The following ERC2 variants were observed in gnomAD, a reference collection of about 807,000 sequenced individuals.
ERC2 encodes ELKS/RAB6-interacting/CAST family member 2, also known as ERC protein 2.
Under a neutral mutation model 114.8 loss-of-function variants are expected in ERC2, and 42 were observed. That is an observed-to-expected ratio of 0.37 (90% CI 0.29 to 0.47). The LOEUF is 0.47. Ranked by LOEUF, ERC2 falls within the 20% of genes least tolerant of loss-of-function variation. The pLI is 0.99. For missense variants in ERC2, 939 were observed against 1,150.7 expected (o/e 0.82, Z 2.66); for synonymous variants, 454 against 425.5 (o/e 1.07, Z -0.82).
intron 6 of ERC2, among the ~76,000 whole-genome samples, chr3:56,129,459 A>C (rs1334387168): frequency 6.6e-6 from 1 of 152,222 alleles, no homozygotes; most frequent in Non-Finnish European, 1.5e-5. Context: ...GTTTTCCATA[A>C]AATTCATTTT....
chr3:55,583,422 C>CCTTCCTTT (rs2057383860), intron 17 of ERC2, among the ~76,000 whole-genome samples: 1 of 129,344 alleles, frequency 7.7e-6, no homozygotes, highest in South Asian at 3.0e-4. Context: ...TTCCTTCCTT[C>CCTTCCTTT]CTTCCTTCCT....
intron 1 of ERC2, among the ~76,000 whole-genome samples, chr3:56,443,656 G>A (rs958620176): frequency 2.0e-5 from 3 of 151,190 alleles, no homozygotes; most frequent in African/African-American, 7.3e-5. Context: ...TTTGACACTT[G>A]GGCTTTTTTT....
intron 12 of ERC2, among the ~76,000 whole-genome samples, chr3:55,983,344 A>G (rs572115075): frequency 1.8e-3 from 272 of 152,350 alleles, no homozygotes; most frequent in African/African-American, 6.3e-3. Context: ...AATCTCACAA[A>G]TAGTTACTAG....
intron 7 of ERC2, among the ~76,000 whole-genome samples, chr3:56,066,721 A>G (rs568769779): frequency 9.2e-5 from 14 of 152,212 alleles, no homozygotes; most frequent in African/African-American, 3.4e-4. Flanking sequence ...ACCTTAAGTT[A>G]ATTTTTGTTA....
At chr3:56,130,570 TAAC>T (rs1240556594) in intron 6 of ERC2, among the ~76,000 whole-genome samples, 1 of 152,144 alleles carries the variant, frequency 6.6e-6, no homozygotes, top group Non-Finnish European at 1.5e-5. Context: ...TGAACAACAA[TAAC>T]AACAACAAAA....
chr3:56,335,817 C>G (rs531049810), intron 2 of ERC2, among the ~76,000 whole-genome samples: 3 of 152,244 alleles, frequency 2.0e-5, no homozygotes, highest in Admixed American at 2.0e-4. Context: ...TCCTTCCATT[C>G]ACTCATCGGC....
intron 17 of ERC2, among the ~76,000 whole-genome samples, chr3:55,639,791 C>T (rs2060100430): frequency 6.6e-6 from 1 of 152,152 alleles, no homozygotes; most frequent in African/African-American, 2.4e-5. Context: ...TGGGCACACG[C>T]ACATGTGCAT....
intron 7 of ERC2, among the ~76,000 whole-genome samples, chr3:56,070,690 T>A: frequency 6.6e-6 from 1 of 152,206 alleles, no homozygotes; most frequent in Non-Finnish European, 1.5e-5. Context: ...AGAACATTTA[T>A]AATATAGAAG....
intron 17 of ERC2, among the ~76,000 whole-genome samples, chr3:55,628,744 C>T (rs1299375349): frequency 1.3e-5 from 2 of 152,138 alleles, no homozygotes; most frequent in Non-Finnish European, 2.9e-5. Context: ...AAGCCAGGAA[C>T]CTGGCTATTA....
intron 17 of ERC2, among the ~76,000 whole-genome samples, chr3:55,518,738 G>GTA (rs1279777234): frequency 1.3e-5 from 2 of 152,228 alleles, no homozygotes; most frequent in Non-Finnish European, 2.9e-5. Context: ...ATACAATGAT[G>GTA]TATGCAGTGT....
At chr3:56,281,274 A>G (rs2054323947) in intron 3 of ERC2, among the ~76,000 whole-genome samples, 1 of 150,616 alleles carries the variant, frequency 6.6e-6, no homozygotes, top group Non-Finnish European at 1.5e-5. Flanking sequence ...CGTCTCTACT[A>G]AAAATACAAA....
At chr3:56,338,449 G>A (rs547506287) in intron 2 of ERC2, among the ~76,000 whole-genome samples, 26 of 152,268 alleles carry the variant, frequency 1.7e-4, no homozygotes, top group African/African-American at 6.0e-4. Flanking sequence ...CCTGGTGGGG[G>A]ATGAGAGACA....
intron 1 of ERC2, among the ~76,000 whole-genome samples, chr3:56,460,137 C>T (rs1296569481): frequency 6.6e-6 from 1 of 152,196 alleles, no homozygotes; most frequent in Non-Finnish European, 1.5e-5. Context: ...CTTGGACTTC[C>T]CCAGCTGAAA....
At chr3:56,010,041 T>G (rs187400125) in intron 9 of ERC2, among the ~76,000 whole-genome samples, 59 of 152,208 alleles carry the variant, frequency 3.9e-4, no homozygotes, top group African/African-American at 1.3e-3. Context: ...TACAGATGAA[T>G]GCAAAGCACT....
At chr3:55,930,848 C>T (rs930055803) in intron 13 of ERC2, among the ~76,000 whole-genome samples, 5 of 152,104 alleles carry the variant, frequency 3.3e-5, no homozygotes, top group African/African-American at 1.2e-4. Flanking sequence ...TTTTTGCAAT[C>T]TATCCATCTG....
chr3:55,777,535 C>T (rs2068718972), intron 14 of ERC2, among the ~76,000 whole-genome samples: 1 of 152,182 alleles, frequency 6.6e-6, no homozygotes, highest in East Asian at 1.9e-4. Context: ...TATTGTCAGC[C>T]TCCAGCTCCA....
In ERC2 at chr3:56,434,664, A is replaced by T. The variant is rs766865005; in HGVS notation, c.344T>A (p.Leu115His). 5.8e-5 allele frequency: 93 copies of T among 1,613,864 alleles called. No individual in the cohort carries two copies. Among genetic ancestry groups the T allele is most frequent in the Non-Finnish European group, 7.9e-5 (93 of 1,179,902 alleles). Residue 115 changes from leucine to histidine, a missense_variant, in exon 2 of 18, where the codon CTT becomes CAT. Physicochemically the swap from Leu to His is moderately conservative, Grantham distance 99. This residue lies in a region of ERC2 where 281 missense variants were observed against 307.4 expected (regional missense o/e 0.91). Transcript: ENST00000288221. Reference protein sequence around the residue: ...ASAGLSHTDVLSYTDQHGGLT... With the variant: ...ASAGLSHTDVHSYTDQHGGLT... ...CCCACCATGTTGATCTGTGTATGAA[A>T]GGACATCTGTGTGGGAAAGTCCAGC...
At chr3:55,823,930 A>G (rs4974113) in intron 14 of ERC2, among the ~76,000 whole-genome samples, 48,283 of 152,094 alleles carry the variant, frequency 0.32, 9,088 homozygotes, top group African/African-American at 0.52. Flanking sequence ...GAGGCTAGAC[A>G]TCCAAGATCA....
rs190059905 is a variant in ERC2 at position 55,793,727 on chromosome 3, C to T, written c.2565-58809G>A. ...TAACACTTCACTTCCTATGAAAAAT[C>T]GTATTATTTAGGGCCCCCGTCTACA... On this transcript the variant is annotated intron_variant, in intron 14 of 17. Transcript: ENST00000288221. 9.2e-5 allele frequency among the ~76,000 whole-genome samples: 14 copies of T among 152,084 alleles called. 1 individual carries two copies. Among genetic ancestry groups the T allele is most frequent in the East Asian group, 3.9e-4 (2 of 5,184 alleles).
Sources: gnomAD v4.1 joint callset for allele counts (sites outside exome capture counted in the v4.1 genomes callset) on GRCh38, gnomAD v4.1.1 for gene constraint, gnomAD v4.1.1 regional missense constraint, MANE v1.5 for transcripts, NCBI Gene and HGNC (gene_info 2026-07-23, HGNC 2026-07-21) for gene names.